BICD2: variants seen among roughly 807,000 people sequenced by gnomAD.
BICD2 encodes protein bicaudal D homolog 2.
A neutral mutation model predicts 72.9 loss-of-function variants in BICD2; 25 were observed. The observed-to-expected ratio is 0.34, with a 90% CI of 0.25 to 0.48. The LOEUF is 0.48. Among genes scored for constraint, BICD2 ranks in the 20% least tolerant of loss-of-function variants. BICD2 has a pLI of 0.99. For synonymous variants in BICD2, 501 were observed against 516.1 expected (o/e 0.97, Z 0.40); for missense variants, 894 against 1,175.2 (o/e 0.76, Z 3.50).
At position 92,739,434 on chromosome 9, in the gene BICD2, G is replaced by A. The variant is rs188342893; in HGVS notation, c.241-10198C>T. On this transcript the variant is annotated intron_variant, in intron 1 of 6. Coordinates refer to ENST00000356884, the MANE Select transcript of BICD2 (RefSeq NM_001003800.2). Reference sequence around the variant, plus strand: ...AGGATGATAAAACTCACTTGATTACGGATTGTCAGTATCCCAGGCTCTCTA... The same window carrying A: ...AGGATGATAAAACTCACTTGATTACAGATTGTCAGTATCCCAGGCTCTCTA... Among the ~76,000 whole-genome samples the A allele has an allele frequency of 5.3e-5, 8 of 152,284 alleles. No individual in the cohort carries two copies. In the East Asian group the frequency reaches 1.3e-3, roughly 26 times the overall value.
intron 1 of BICD2, among the ~76,000 whole-genome samples, chr9:92,755,985 C>A (rs1211598799): frequency 6.6e-6 from 1 of 152,212 alleles, no homozygotes; most frequent in East Asian, 1.9e-4. Flanking sequence ...AGAAGTCAAG[C>A]CAAGAATGGC....
Position 92,764,529 on chromosome 9 carries a change from G to C in BICD2, c.216C>G (p.Arg72=). 6.5e-7 allele frequency: 1 copy of C among 1,537,832 alleles called. No individual in the cohort carries two copies. The highest frequency in any genetic ancestry group is 8.8e-7 in the Non-Finnish European group (1 of 1,141,818). The change falls in exon 1 of 7, where the codon CGC becomes CGG. Residue 72 remains arginine (R), a synonymous_variant. Transcript: ENST00000356884. The surrounding 1 kb of genome is among the most constrained non-coding windows in gnomAD (Gnocchi z 5.5). ...CCTCCTTGAGCTGCTCCATCTCGCT[G>C]CGGATAGCCTCATAGTCCACCTCGA... ...EELEVDYEAI[R]SEMEQLKEAF... is the part of the protein sequence containing the mutation.
At position 92,755,513 on chromosome 9, in the gene BICD2, C is replaced by T. The variant is rs559542302; in HGVS notation, c.240+8992G>A. On this transcript the variant is annotated intron_variant, in intron 1 of 6. Transcript: ENST00000356884. ...GCTTGTGGGGCATCACGGAACCTAC[C>T]GACATGTGATGTCTCCCCCGGATGC... is the stretch of plus-strand genomic sequence containing the variant. Among the ~76,000 whole-genome samples, 4 of 152,162 alleles carry T rather than the reference C, an allele frequency of 2.6e-5. No homozygotes were observed. In the South Asian group the frequency reaches 6.2e-4, roughly 24 times the overall value.
intron 1 of BICD2, among the ~76,000 whole-genome samples, chr9:92,759,421 T>TA (rs1854326747): frequency 6.6e-6 from 1 of 152,182 alleles, no homozygotes; most frequent in African/African-American, 2.4e-5. Context: ...CAGTAGCTTC[T>TA]AAAAAAGAAG....
chr9:92,718,930 C>T lies in BICD2; in HGVS notation c.1715G>A (p.Arg572His), dbSNP rs777902159. 1.5e-5 allele frequency: 24 copies of T among 1,607,366 alleles called. No individual in the cohort carries two copies. The highest frequency in any genetic ancestry group is 8.0e-5 in the African/African-American group (6 of 74,808). The change falls in exon 5 of 7, where the codon CGC becomes CAC. Residue 572 changes from arginine to histidine, a missense_variant. Arg to His is a conservative substitution (Grantham distance 29). Transcript: ENST00000356884. ...GGAGRTSPGG[R>H]TSPEARGRRS... ...CCGGCCACGCGCCTCGGGGCTGGTG[C>T]GGCCCCCGGGACTGGTGCGGCCGGC...
chr9:92,742,679 G>A (rs935965394), intron 1 of BICD2, among the ~76,000 whole-genome samples: 5 of 151,522 alleles, frequency 3.3e-5, no homozygotes, highest in Admixed American at 1.3e-4. Context: ...CACTGTGCCC[G>A]GCCTAATTCC....
At chr9:92,723,555 T>C (rs1295933031) in intron 2 of BICD2, among the ~76,000 whole-genome samples, 1 of 152,072 alleles carries the variant, frequency 6.6e-6, no homozygotes, top group East Asian at 1.9e-4. Context: ...TGCCAGGAGC[T>C]GGGGAGGGGG....
At chr9:92,751,134 T>TTTG (rs199613227) in intron 1 of BICD2, among the ~76,000 whole-genome samples, 11,089 of 150,388 alleles carry the variant, frequency 0.074, 524 homozygotes, top group Non-Finnish European at 0.1. Flanking sequence ...TGGTTGGTTT[T>TTTG]TTGTTGTTGT....
intron 1 of BICD2, among the ~76,000 whole-genome samples, chr9:92,741,582 C>CT (rs934903598): frequency 1.3e-5 from 2 of 152,054 alleles, no homozygotes; most frequent in South Asian, 2.1e-4. Flanking sequence ...TGGTAATTTT[C>CT]TTTTTTTTCT....
intron 1 of BICD2, among the ~76,000 whole-genome samples, chr9:92,735,691 C>A (rs1411549908): frequency 6.6e-6 from 1 of 151,990 alleles, no homozygotes; most frequent in Non-Finnish European, 1.5e-5. Flanking sequence ...GCAAACAGCA[C>A]CTGACCTCTG....
rs1853270102 is a variant in BICD2 at position 92,714,899 on chromosome 9, C to T, written c.*255G>A. On this transcript the variant is annotated 3_prime_UTR_variant, in exon 7 of 7. Transcript: ENST00000356884. ...ACACATCTGCTGCAAGAATGTGCAG[C>T]TCTATCCCCACCTCTGACCCCCACC... The T allele has an allele frequency of 7.6e-7, 1 of 1,319,296 alleles. No homozygotes were observed. The highest frequency in any genetic ancestry group is 9.7e-7 in the Non-Finnish European group (1 of 1,035,340). 81.7% of individuals were successfully genotyped at this position (1,319,296 alleles called of 1,614,324 possible).
At chr9:92,715,602 G>T in intron 6 of BICD2, 139 bp from the exon 7 acceptor site, 1 of 835,752 alleles carries the variant, frequency 1.2e-6, no homozygotes, top group Non-Finnish European at 1.8e-6. Context: ...ACTGGAGGGT[G>T]TGGCTGGGGA....
chr9:92,721,795 G>C (rs1853469712), intron 3 of BICD2, among the ~76,000 whole-genome samples: 1 of 152,220 alleles, frequency 6.6e-6, no homozygotes, highest in Non-Finnish European at 1.5e-5. Flanking sequence ...GCTGGGCTCT[G>C]CCAACAGCAG....
At position 92,713,417 on chromosome 9, in the gene BICD2, G is replaced by C; in HGVS notation, c.*1737C>G. ...AGAGGGAAGGGGAAGGGGCTGCAGT[G>C]TGACAGGGCCGGGTGGCCAAGTCCT... On this transcript the variant is annotated 3_prime_UTR_variant, in exon 7 of 7. Transcript: ENST00000356884. 6.3e-7 allele frequency: 1 copy of C among 1,576,436 alleles called. No homozygotes were observed. Among genetic ancestry groups the C allele is most frequent in the Non-Finnish European group, 8.6e-7 (1 of 1,158,044 alleles).
chr9:92,764,369 G>C lies in BICD2; in HGVS notation c.240+136C>G. ...CCGGGCCCACTCCCACATACTGCCC[G>C]TGCCCCCTCCGCCCCGGCGGCCCAC... On this transcript the variant is annotated intron_variant, in intron 1 of 6. Transcript: ENST00000356884. The surrounding 1 kb of genome is among the most constrained non-coding windows in gnomAD (Gnocchi z 5.5). 2.4e-6 allele frequency: 3 copies of C among 1,238,936 alleles called. No homozygotes were observed. The highest frequency in any genetic ancestry group is 3.1e-6 in the Non-Finnish European group (3 of 957,872). 76.7% of individuals were successfully genotyped at this position (1,238,936 alleles called of 1,614,324 possible).
intron 1 of BICD2, among the ~76,000 whole-genome samples, chr9:92,760,804 C>G (rs988439598): frequency 3.9e-5 from 6 of 152,170 alleles, no homozygotes; most frequent in African/African-American, 1.4e-4. Flanking sequence ...CCTTGGGTCT[C>G]CCAGAGCCTC....
At position 92,714,285 on chromosome 9, in the gene BICD2, C is replaced by T; in HGVS notation, c.*869G>A. On this transcript the variant is annotated 3_prime_UTR_variant, in exon 7 of 7. Transcript: ENST00000356884. ...AAAGCCCCATGTCTTTGGGACTGAA[C>T]CCCCTATGGAAGGCCGGATAATTGG... 1 of 985,494 alleles carries T rather than the reference C, an allele frequency of 1.0e-6. No individual in the cohort carries two copies. 61.0% of individuals were successfully genotyped at this position (985,494 alleles called of 1,614,324 possible).
chr9:92,738,223 T>C (rs183018002), intron 1 of BICD2, among the ~76,000 whole-genome samples: 2 of 152,358 alleles, frequency 1.3e-5, no homozygotes, highest in African/African-American at 2.4e-5. Context: ...AAGCCCACCC[T>C]GATGCTTAGG....
At chr9:92,723,690 T>C (rs1024626450) in intron 2 of BICD2, among the ~76,000 whole-genome samples, 8 of 152,222 alleles carry the variant, frequency 5.3e-5, no homozygotes, top group African/African-American at 1.9e-4. Context: ...GGGTGAACTA[T>C]ATGAGATGTA....
Sources: gnomAD v4.1 joint callset for allele counts (sites outside exome capture counted in the v4.1 genomes callset) on GRCh38, gnomAD v4.1.1 for gene constraint, Gnocchi (gnomAD v3.1) non-coding constraint, MANE v1.5 for transcripts, NCBI Gene and HGNC (gene_info 2026-07-23, HGNC 2026-07-21) for gene names.